The following GPC5 variants were observed in gnomAD, a reference collection of about 807,000 sequenced individuals.
The protein encoded by GPC5 is glypican 5.
GPC5 carries 47 observed loss-of-function variants against 53.9 expected under a neutral mutation model. That is an observed-to-expected ratio of 0.87 (90% confidence interval 0.69 to 1.11). The LOEUF (loss-of-function observed/expected upper bound fraction) is 1.11. Among genes scored for constraint, GPC5 ranks in the 50% most tolerant of loss-of-function variants. GPC5 has a pLI of 0.00. For missense variants in GPC5, 748 were observed against 713.1 expected, an observed-to-expected ratio of 1.05 and a Z score of -0.56; for synonymous variants, 286 against 263.3, an observed-to-expected ratio of 1.09 and a Z score of -0.84.
intron 7 of GPC5, among the ~76,000 whole-genome samples, chr13:92,573,658 C>G (rs1365220511): frequency 2.0e-5 from 3 of 152,074 alleles, no homozygotes; most frequent in African/African-American, 7.2e-5. Context: ...TCCGCTGGTT[C>G]AGGCGGTTGC....
chr13:91,701,757 G>A (rs1479957998), intron 3 of GPC5, among the ~76,000 whole-genome samples: 1 of 151,936 alleles, frequency 6.6e-6, no homozygotes, highest in Non-Finnish European at 1.5e-5. Context: ...CAATAAACAT[G>A]GGAGTTCAGA....
chr13:92,242,688 T>C (rs2042622428), intron 7 of GPC5, among the ~76,000 whole-genome samples: 1 of 152,156 alleles, frequency 6.6e-6, no homozygotes, highest in Non-Finnish European at 1.5e-5. Flanking sequence ...TCAGATATCA[T>C]TCAGAAAATT....
At chr13:91,407,220 A>G (rs1877390540) in intron 1 of GPC5, among the ~76,000 whole-genome samples, 1 of 152,148 alleles carries the variant, frequency 6.6e-6, no homozygotes, top group Non-Finnish European at 1.5e-5. Flanking sequence ...TGTTGAATGA[A>G]TTGTTTTTGT....
chr13:91,870,847 C>A (rs1361169870), intron 5 of GPC5, among the ~76,000 whole-genome samples: 1 of 152,158 alleles, frequency 6.6e-6, no homozygotes, highest in Non-Finnish European at 1.5e-5. Flanking sequence ...ATCCGTGTTG[C>A]ATTTGGAAGG....
chr13:91,590,826 T>C (rs1279195074), intron 2 of GPC5, among the ~76,000 whole-genome samples: 3 of 152,232 alleles, frequency 2.0e-5, no homozygotes, highest in Non-Finnish European at 4.4e-5. Flanking sequence ...TATTGTCTTA[T>C]AAACTATTTA....
At chr13:92,315,848 T>C (rs1035935956) in intron 7 of GPC5, among the ~76,000 whole-genome samples, 5 of 152,210 alleles carry the variant, frequency 3.3e-5, no homozygotes, top group Admixed American at 6.5e-5. Flanking sequence ...TGCTGTGGTG[T>C]GGTTTATGCA....
At chr13:92,478,052 CCT>C (rs1311312912) in intron 7 of GPC5, among the ~76,000 whole-genome samples, 1 of 152,000 alleles carries the variant, frequency 6.6e-6, no homozygotes, top group Non-Finnish European at 1.5e-5. Flanking sequence ...TCCTTATTGC[CCT>C]GTTTCCCTTA....
At chr13:92,039,685 T>C (rs2040926741) in intron 6 of GPC5, among the ~76,000 whole-genome samples, 1 of 152,172 alleles carries the variant, frequency 6.6e-6, no homozygotes, top group Non-Finnish European at 1.5e-5. Flanking sequence ...TATGGGTAGA[T>C]TGATTTCTGA....
At chr13:92,353,222 T>G (rs1566552655) in intron 7 of GPC5, among the ~76,000 whole-genome samples, 1 of 135,520 alleles carries the variant, frequency 7.4e-6, no homozygotes, top group African/African-American at 2.9e-5. Flanking sequence ...ATTGCGCCAC[T>G]GCAGTCCGCA....
intron 7 of GPC5, among the ~76,000 whole-genome samples, chr13:92,164,275 T>C (rs1399848458): frequency 6.6e-6 from 1 of 152,092 alleles, no homozygotes; most frequent in African/African-American, 2.4e-5. Flanking sequence ...GTCCAAGGTT[T>C]CATATAAGAC....
At chr13:92,517,871 A>G (rs1253423435) in intron 7 of GPC5, among the ~76,000 whole-genome samples, 1 of 152,202 alleles carries the variant, frequency 6.6e-6, no homozygotes, top group Non-Finnish European at 1.5e-5. Flanking sequence ...AGACGATCCA[A>G]CTTCTCCAAG....
At chr13:91,776,523 G>A (rs1199097744) in intron 5 of GPC5, among the ~76,000 whole-genome samples, 1 of 152,164 alleles carries the variant, frequency 6.6e-6, no homozygotes, top group Non-Finnish European at 1.5e-5. Flanking sequence ...TTAAAGAGGT[G>A]TCATTATTGT....
At chr13:92,536,939 C>A (rs1412631982) in intron 7 of GPC5, among the ~76,000 whole-genome samples, 1 of 151,932 alleles carries the variant, frequency 6.6e-6, no homozygotes, top group Non-Finnish European at 1.5e-5. Flanking sequence ...GATCTCTTGG[C>A]ATTTTTCAAA....
At chr13:91,530,411 C>T (rs970812494) in intron 2 of GPC5, among the ~76,000 whole-genome samples, 7 of 152,228 alleles carry the variant, frequency 4.6e-5, no homozygotes, top group African/African-American at 1.7e-4. Context: ...TTTCCTCCCT[C>T]AGCCAGAACT....
chr13:92,665,666 T>C (rs1256426742), intron 7 of GPC5, among the ~76,000 whole-genome samples: 2 of 152,210 alleles, frequency 1.3e-5, no homozygotes, highest in Non-Finnish European at 2.9e-5. Context: ...TCTAAAAGGA[T>C]GCTTTCTCAA....
intron 7 of GPC5, among the ~76,000 whole-genome samples, chr13:92,472,159 G>A (rs908758886): frequency 3.3e-5 from 5 of 152,110 alleles, no homozygotes; most frequent in Admixed American, 6.6e-5. Context: ...ACTTCCTCCT[G>A]TGTGAACTTG....
chr13:92,298,709 C>A (rs1452180144), intron 7 of GPC5, among the ~76,000 whole-genome samples: 1 of 152,062 alleles, frequency 6.6e-6, no homozygotes, highest in African/African-American at 2.4e-5. Context: ...AATCTGCTTC[C>A]TTTAGGGGGT....
At chr13:92,073,620 G>C (rs187712561) in intron 6 of GPC5, among the ~76,000 whole-genome samples, 1 of 152,282 alleles carries the variant, frequency 6.6e-6, no homozygotes, top group East Asian at 1.9e-4. Context: ...TTTCATTATT[G>C]ATGGTATACG....
intron 7 of GPC5, among the ~76,000 whole-genome samples, chr13:92,400,246 A>G (rs1436565367): frequency 6.6e-6 from 1 of 152,200 alleles, no homozygotes; most frequent in Non-Finnish European, 1.5e-5. Context: ...TGACAAAACT[A>G]CAATAAAGAT....
Sources: gnomAD v4.1 joint callset for allele counts (sites outside exome capture counted in the v4.1 genomes callset) on GRCh38, gnomAD v4.1.1 for gene constraint, MANE v1.5 for transcripts, NCBI Gene and HGNC (gene_info 2026-07-23, HGNC 2026-07-21) for gene names.